The following FBRS variants were observed in gnomAD, a reference collection of about 807,000 sequenced individuals.
The protein encoded by FBRS is probable fibrosin-1.
A neutral mutation model predicts 86.1 loss-of-function variants in FBRS; 15 were observed. The ratio of observed to expected loss-of-function variants is 0.17; its 90% CI spans 0.12 to 0.27. The LOEUF (loss-of-function observed/expected upper bound fraction) is 0.27. Among genes scored for constraint, FBRS ranks in the 10% least tolerant of loss-of-function variants. FBRS has a pLI of 1.00. For synonymous variants in FBRS, 666 were observed against 575.8 expected (o/e 1.16, Z -2.24); for missense variants, 1,367 against 1,301.6 (o/e 1.05, Z -0.77).
chr16:30,667,287 C>CATGTA, intron 13 of FBRS, 33 bp from the exon 14 acceptor site: 1 of 1,477,140 alleles, frequency 6.8e-7, no homozygotes, highest in South Asian at 1.2e-5. Context: ...ACTGGCTCCT[C>CATGTA]ATGTACTGCC....
chr16:30,659,755 G>C lies in FBRS; in HGVS notation c.237G>C (p.Pro79=). 1 of 1,411,736 alleles carries C rather than the reference G, an allele frequency of 7.1e-7. No homozygotes were observed. 87.5% of individuals were successfully genotyped at this position (1,411,736 alleles called of 1,614,324 possible). A position where few individuals can be genotyped will look rare whatever the true frequency, so the allele number is the denominator to read the frequency against. Residue 79 remains proline, a synonymous_variant, in exon 1 of 18, where the codon CCG becomes CCC. Coordinates refer to ENST00000356166, the MANE Select transcript of FBRS (RefSeq NM_001105079.3). ...SASSGERPGG[P]RRRRPRPRPR... ...CGTCTGGAGAGCGGCCTGGGGGCCC[G>C]AGACGCCGGCGGCCCCGTCCGAGAC...
intron 11 of FBRS, chr16:30,666,192 A>G (rs1238058686): frequency 4.0e-6 from 2 of 494,740 alleles, no homozygotes; most frequent in Non-Finnish European, 7.2e-6. Flanking sequence ...ATTTTCCCTA[A>G]ATAAATCTTA....
rs953971654 is a variant in FBRS at position 30,659,104 on chromosome 16, A to C, written c.-415A>C. On this transcript the variant is annotated 5_prime_UTR_variant, in exon 1 of 18. Transcript: ENST00000356166. ...AAGGGGAGGTCTGCGTTTCGGGGCG[A>C]GCTTTCGGCCCCTTTTAAAGGGGTG... The C allele has an allele frequency of 3.3e-5, 5 of 152,214 alleles. No individual in the cohort carries two copies. The East Asian group carries it at 9.7e-4, about 30-fold the overall frequency. 9.4% of individuals were successfully genotyped at this position (152,214 alleles called of 1,614,324 possible). A position where few individuals can be genotyped will look rare whatever the true frequency, so the allele number is the denominator to read the frequency against.
At position 30,669,785 on chromosome 16, in the gene FBRS, G is replaced by C. The variant is rs2052575113; in HGVS notation, c.*140G>C. 1 of 1,123,850 alleles carries C rather than the reference G, an allele frequency of 8.9e-7. No individual in the cohort carries two copies. Among genetic ancestry groups the C allele is most frequent in the African/African-American group, 1.6e-5 (1 of 63,748 alleles). 69.6% of individuals were successfully genotyped at this position (1,123,850 alleles called of 1,614,324 possible). A position where few individuals can be genotyped will look rare whatever the true frequency, so the allele number is the denominator to read the frequency against. On this transcript the variant is annotated 3_prime_UTR_variant, in exon 18 of 18. Transcript: ENST00000356166. The surrounding 1 kb of genome is among the most constrained non-coding windows in gnomAD (Gnocchi z 5.9). ...TCTGAGGTCATGGAACCTGGGAACA[G>C]AAGCCTCAACCCCCACAAGACCAAG...
In FBRS at chr16:30,664,425, C is replaced by CCCTCTT; in HGVS notation, c.1266_1267insCCTCTT (p.Ser422_Leu423insProLeu). ...CCCCCCCACCACCCCACCACCCCTC[C>CCCTCTT]TTGTTCTCCCCTGGCCCCACCCTGC... On this transcript the variant is annotated inframe_insertion, in exon 7 of 18. Coordinates refer to ENST00000356166, the MANE Select transcript of FBRS (RefSeq NM_001105079.3). The CCCTCTT allele has an allele frequency of 7.1e-7, 1 of 1,401,664 alleles. No individual in the cohort carries two copies. The highest frequency in any genetic ancestry group is 9.5e-7 in the Non-Finnish European group (1 of 1,054,486). The allele number at this position is 1,401,664 out of a possible 1,614,324, so 86.8% of individuals were successfully genotyped here.
rs1596613517 is a variant in FBRS, at chr16:30,661,359, G to A, written c.705+26G>A. 1.9e-6 allele frequency: 3 copies of A among 1,550,720 alleles called. No individual in the cohort carries two copies. In the East Asian group the frequency reaches 7.3e-5, roughly 38 times the overall value. On this transcript the variant is annotated intron_variant, in intron 4 of 17. Transcript: ENST00000356166. ...GTGAGTGGGGCTAGAGCTTGGGTGG[G>A]CAGTGTCACTGCTTGTAAAAGGGAC...
Position 30,660,386 on chromosome 16 carries a change from G to A in FBRS, c.583G>A (p.Gly195Ser). Residue 195 changes from glycine to serine, a missense_variant, in exon 2 of 18, where the codon GGC becomes AGC. By Grantham distance (56) the Gly-to-Ser change is moderately conservative. Coordinates refer to ENST00000356166, the MANE Select transcript of FBRS (RefSeq NM_001105079.3). ...AGGGGACAGCTCTGATCGAGAGCCT[G>A]GCCGGCCCCCTGGGGATCGGGCCCG... ...EPGDSSDREP[G>S]RPPGDRARKW... The A allele has an allele frequency of 7.9e-7, 1 of 1,263,926 alleles. No individual in the cohort carries two copies. The highest frequency in any genetic ancestry group is 1.0e-6 in the Non-Finnish European group (1 of 995,264). The allele number at this position is 1,263,926 out of a possible 1,614,324, so 78.3% of individuals were successfully genotyped here. A position where few individuals can be genotyped will look rare whatever the true frequency, so the allele number is the denominator to read the frequency against.
rs1233212670 is a variant in FBRS, at chr16:30,670,341, A to G, written c.*696A>G. ...GACCTGGGGACCTGGGCTGGAGGGAAGGGCAGAAGCTTCCTACTTGGCTGA... is the reference window on the plus strand; with the variant it reads ...GACCTGGGGACCTGGGCTGGAGGGAGGGGCAGAAGCTTCCTACTTGGCTGA... On this transcript the variant is annotated 3_prime_UTR_variant, in exon 18 of 18. Coordinates refer to ENST00000356166, the MANE Select transcript of FBRS (RefSeq NM_001105079.3). 2.7e-6 allele frequency: 1 copy of G among 372,812 alleles called. No individual in the cohort carries two copies. Among genetic ancestry groups the G allele is most frequent in the East Asian group, 7.5e-5 (1 of 13,252 alleles). The allele number at this position is 372,812 out of a possible 1,614,324, so 23.1% of individuals were successfully genotyped here.
At position 30,669,363 on chromosome 16, in the gene FBRS, A is replaced by AC; in HGVS notation, c.2666dup (p.Arg890ThrfsTer10). On this transcript the variant is annotated frameshift_variant, in exon 18 of 18. Transcript: ENST00000356166. LOFTEE classifies it high-confidence loss of function. This position sits in a 1 kb window ranked among gnomAD's most constrained non-coding sequence, Gnocchi z 5.9. ...TCCTGGAGCCAACCTGGTTGGCAGC[A>AC]CCCCCACGCCTGGCAAGGCCACCCC... The AC allele has an allele frequency of 6.2e-7, 1 of 1,611,486 alleles. No homozygotes were observed. Among genetic ancestry groups the AC allele is most frequent in the Non-Finnish European group, 8.5e-7 (1 of 1,179,474 alleles).
chr16:30,661,117 C>G (rs1479224716), intron 2 of FBRS, 63 bp from the exon 3 acceptor site: 24 of 1,548,814 alleles, frequency 1.5e-5, no homozygotes, highest in African/African-American at 2.7e-5. Flanking sequence ...CTGCTGGGAG[C>G]TGCGACTTTC....
At position 30,670,139 on chromosome 16, in the gene FBRS, G is replaced by T. The variant is rs762350749; in HGVS notation, c.*494G>T. The T allele has an allele frequency of 4.3e-6, 2 of 459,846 alleles. No homozygotes were observed. Among genetic ancestry groups the T allele is most frequent in the Non-Finnish European group, 8.8e-6 (2 of 228,276 alleles). 28.5% of individuals were successfully genotyped at this position (459,846 alleles called of 1,614,324 possible). On this transcript the variant is annotated 3_prime_UTR_variant, in exon 18 of 18. Transcript: ENST00000356166. ...CCAAGACCTTTTGTACATTTTTACAGGGGTGCCCCTCCCAACAGTTCCCTT... is the reference window on the plus strand; with the variant it reads ...CCAAGACCTTTTGTACATTTTTACATGGGTGCCCCTCCCAACAGTTCCCTT...
chr16:30,659,888 G>A lies in FBRS; in HGVS notation c.370G>A (p.Glu124Lys), dbSNP rs916344283. Residue 124 changes from glutamate to lysine, a missense_variant, in exon 1 of 18, where the codon GAG (glutamate) becomes AAG (lysine). This residue lies in a region of FBRS where 702 missense variants were observed against 598.7 expected (regional missense o/e 1.17). Coordinates refer to ENST00000356166, the MANE Select transcript of FBRS (RefSeq NM_001105079.3). ...GGGGGGCGCAGACGACGGCGAAGCCGAGGAGGAGCCTGAGGAGGAGGAAGA... is the reference window on the plus strand; with the variant it reads ...GGGGGGCGCAGACGACGGCGAAGCCAAGGAGGAGCCTGAGGAGGAGGAAGA... ...EEGGADDGEA[E>K]EEPEEEEEEE... 9.7e-6 allele frequency: 15 copies of A among 1,548,762 alleles called. 1 individual carries two copies. The Admixed American group carries it at 1.4e-4, about 14-fold the overall frequency.
At position 30,664,425 on chromosome 16, in the gene FBRS, C is replaced by CCGGGT; in HGVS notation, c.1266_1267insCGGGT (p.Leu423ArgfsTer36). 1.4e-6 allele frequency: 2 copies of CCGGGT among 1,401,652 alleles called. No individual in the cohort carries two copies. The highest frequency in any genetic ancestry group is 1.9e-6 in the Non-Finnish European group (2 of 1,054,476). 86.8% of individuals were successfully genotyped at this position (1,401,652 alleles called of 1,614,324 possible). ...CCCCCCCACCACCCCACCACCCCTC[C>CCGGGT]TTGTTCTCCCCTGGCCCCACCCTGC... is the stretch of plus-strand genomic sequence containing the variant. On this transcript the variant is annotated frameshift_variant, in exon 7 of 18. Transcript: ENST00000356166. LOFTEE classifies it high-confidence loss of function.
Position 30,662,438 on chromosome 16 carries a change from G to T in FBRS, c.724G>T (p.Asp242Tyr). Residue 242 changes from aspartate to tyrosine, a missense_variant, in exon 5 of 18, where the codon GAC (aspartate) becomes TAC (tyrosine). Around this residue, in one of 3 missense-constraint regions of FBRS, gnomAD observed 702 missense variants for 598.7 expected, o/e 1.17. Coordinates refer to ENST00000356166, the MANE Select transcript of FBRS (RefSeq NM_001105079.3). ...TCCCCAGGTCTCCGATGATGACCTC[G>T]ACCCATCCTTTACTGTCTCAACCAG... ...LDERVSDDDL[D>Y]PSFTVSTSKA... The T allele has an allele frequency of 6.4e-7, 1 of 1,550,552 alleles. No individual in the cohort carries two copies. The highest frequency in any genetic ancestry group is 1.2e-5 in the South Asian group (1 of 84,020).
At position 30,668,586 on chromosome 16, in the gene FBRS, G is replaced by A. The variant is rs148948994; in HGVS notation, c.2101G>A (p.Ala701Thr). 5.9e-5 allele frequency: 95 copies of A among 1,612,246 alleles called. 1 individual carries two copies. The highest frequency in any genetic ancestry group is 4.5e-4 in the Admixed American group (27 of 59,944). The part of the protein sequence containing the change: ...IDPFGRPTSF[A>T]SLAALSNGAF... ...TCCCTTTGGGCGTCCCACAAGCTTC[G>A]CCTCTTTGGCTGCCCTCTCCAACGG... Residue 701 changes from alanine (A) to threonine (T), a missense_variant, in exon 16 of 18, where the codon GCC becomes ACC. By Grantham distance (58) the Ala-to-Thr change is moderately conservative. This residue lies in a region of FBRS where 659 missense variants were observed against 678.8 expected (regional missense o/e 0.97). Transcript: ENST00000356166.
chr16:30,669,290 G>A lies in FBRS; in HGVS notation c.2588G>A (p.Arg863Gln), dbSNP rs894492120. The A allele has an allele frequency of 1.5e-5, 23 of 1,584,076 alleles. No homozygotes were observed. Among genetic ancestry groups the A allele is most frequent in the Admixed American group, 5.5e-5 (3 of 54,228 alleles). The change falls in exon 18 of 18, where the codon CGG (arginine) becomes CAG (glutamine). Residue 863 changes from arginine (R) to glutamine (Q), a missense_variant. Transcript: ENST00000356166. The surrounding 1 kb of genome is among the most constrained non-coding windows in gnomAD (Gnocchi z 5.9). ...QGLHLLFERP[R>Q]PPPFLGPSPP... ...CTTCACCTGCTGTTTGAGAGGCCCC[G>A]GCCGCCCCCGTTTCTGGGCCCTAGC... is the stretch of plus-strand genomic sequence containing the variant.
At chr16:30,661,783 G>A (rs899028642) in intron 4 of FBRS, among the ~76,000 whole-genome samples, 9 of 152,176 alleles carry the variant, frequency 5.9e-5, no homozygotes, top group South Asian at 2.1e-4. Flanking sequence ...CCTTAGGGGC[G>A]ATTTGCTTGT....
chr16:30,668,672 G>GGGGGGGCCC, intron 16 of FBRS, 29 bp downstream of exon 16: 1 of 1,586,808 alleles, frequency 6.3e-7, no homozygotes, highest in Non-Finnish European at 8.6e-7. Context: ...GGGTGGGGGG[G>GGGGGGGCCC]CTGCGGCCAC....
chr16:30,668,114 C>T (rs114693153), intron 15 of FBRS: 2,346 of 196,190 alleles, frequency 0.012, 61 homozygotes, highest in African/African-American at 0.05. Flanking sequence ...AGGGTCAGGT[C>T]GGGAAGGGCC....
Sources: gnomAD v4.1 joint callset for allele counts (sites outside exome capture counted in the v4.1 genomes callset) on GRCh38, gnomAD v4.1.1 for gene constraint, gnomAD v4.1.1 regional missense constraint, Gnocchi (gnomAD v3.1) non-coding constraint, MANE v1.5 for transcripts, NCBI Gene and HGNC (gene_info 2026-07-23, HGNC 2026-07-21) for gene names.